The following CASK variants were observed in gnomAD, a reference collection of about 807,000 sequenced individuals.
The protein encoded by CASK is peripheral plasma membrane protein CASK.
In CASK, 4 loss-of-function variants were observed where a neutral mutation model predicts 82.9. The observed-to-expected ratio is 0.05, with a 90% CI of 0.02 to 0.11. CASK has a LOEUF of 0.11. CASK is among the 10% of genes least tolerant of loss of function. The pLI, the probability that CASK is intolerant of heterozygous loss-of-function variation, is 1.00. For missense variants in CASK, 358 were observed against 720.9 expected (o/e 0.50, Z 5.76); for synonymous variants, 259 against 253.5 (o/e 1.02, Z -0.20).
intron 5 of CASK, among the ~76,000 whole-genome samples, chrX:41,734,757 T>C (rs2068469970): frequency 9.0e-6 from 1 of 111,138 alleles, no homozygotes; most frequent in South Asian, 3.8e-4. Flanking sequence ...TGAAGGATGC[T>C]TAGCAGCATC....
At chrX:41,760,962 G>C (rs1298857441) in intron 3 of CASK, among the ~76,000 whole-genome samples, 1 of 111,250 alleles carries the variant, frequency 9.0e-6, no homozygotes, top group Non-Finnish European at 1.9e-5. Flanking sequence ...CATAACCATT[G>C]CATCAGTTTG....
chrX:41,530,755 G>C (rs2064790304), intron 25 of CASK, among the ~76,000 whole-genome samples: 1 of 112,321 alleles, frequency 8.9e-6, no homozygotes, highest in Non-Finnish European at 1.9e-5. Flanking sequence ...ACCTTACTGA[G>C]CTTCTGCATA....
chrX:41,671,994 C>T (rs1436077768), intron 5 of CASK, among the ~76,000 whole-genome samples: 1 of 111,676 alleles, frequency 9.0e-6, no homozygotes, highest in East Asian at 2.8e-4. Context: ...TTTCTTTCTC[C>T]ACCCTGCCCA....
At chrX:41,774,935 G>A (rs1319814145) in intron 3 of CASK, among the ~76,000 whole-genome samples, 2 of 111,754 alleles carry the variant, frequency 1.8e-5, no homozygotes, top group East Asian at 5.6e-4. Flanking sequence ...AAAAACCCTA[G>A]AAGAAAACCT....
At chrX:41,848,102 C>T (rs2071194068) in intron 2 of CASK, among the ~76,000 whole-genome samples, 1 of 112,234 alleles carries the variant, frequency 8.9e-6, no homozygotes, top group African/African-American at 3.2e-5. Context: ...TTTTGTTTGC[C>T]CAGCTGTTAT....
Position 41,604,006 on chromosome X carries a change from C to T in CASK, c.1155+5898G>A, listed in dbSNP as rs1014584782. 5.4e-5 allele frequency among the ~76,000 whole-genome samples: 6 copies of T among 110,512 alleles called. No individual in the cohort carries two copies. In the South Asian group the frequency reaches 1.6e-3, roughly 29 times the overall value. On this transcript the variant is annotated intron_variant, in intron 12 of 26. Transcript: ENST00000378163. The stretch of plus-strand genomic sequence containing the variant: ...TTCAGTCCATCAAAAACTCACCCAC[C>T]CACTGACCTTCCAATGTATCACATA...
chrX:41,794,402 C>G (rs1454981427), intron 2 of CASK, among the ~76,000 whole-genome samples: 2 of 111,771 alleles, frequency 1.8e-5, no homozygotes, highest in African/African-American at 6.5e-5. Context: ...TTGTATATGA[C>G]AAAAATAGAA....
Position 41,529,221 on chromosome X carries a change from C to T in CASK, c.2520+1786G>A, listed in dbSNP as rs773686168. ...AGGGGAGCAGAGGAGAGTGCCCAGC[C>T]GGGGTGAGGAGGTGCTTTGGGGCCA... On this transcript the variant is annotated intron_variant, in intron 25 of 26. Coordinates refer to ENST00000378163, the MANE Select transcript of CASK (RefSeq NM_001367721.1). Among the ~76,000 whole-genome samples, 316 of 111,449 alleles carry T rather than the reference C, an allele frequency of 2.8e-3. 1 individual carries two copies. Among genetic ancestry groups the T allele is most frequent in the African/African-American group, 9.8e-3 (300 of 30,636 alleles).
chrX:41,882,202 A>G (rs965797622), intron 1 of CASK, among the ~76,000 whole-genome samples: 1 of 111,706 alleles, frequency 9.0e-6, no homozygotes, highest in Non-Finnish European at 1.9e-5. Context: ...AGGATATGAA[A>G]ATATTTAAAA....
At chrX:41,846,866 C>T (rs1421438569) in intron 2 of CASK, among the ~76,000 whole-genome samples, 1 of 112,136 alleles carries the variant, frequency 8.9e-6, no homozygotes, top group Non-Finnish European at 1.9e-5. Context: ...ATTTATCCTA[C>T]ATGTTTGAAG....
At chrX:41,840,535 T>C (rs1179623820) in intron 2 of CASK, among the ~76,000 whole-genome samples, 2 of 112,024 alleles carry the variant, frequency 1.8e-5, no homozygotes, top group Non-Finnish European at 3.8e-5. Context: ...CAAAGACAGG[T>C]TTACTTCTTT....
chrX:41,747,901 T>C, intron 3 of CASK, among the ~76,000 whole-genome samples: 1 of 112,628 alleles, frequency 8.9e-6, no homozygotes, highest in Non-Finnish European at 1.9e-5. Flanking sequence ...CATGATTGCT[T>C]TAATTTGCAT....
At chrX:41,726,823 G>C in intron 5 of CASK, 2 of 289,965 alleles carry the variant, frequency 6.9e-6, no homozygotes, top group African/African-American at 2.7e-5. Flanking sequence ...TATTTCAACC[G>C]GACAATCGTG....
At chrX:41,687,205 TA>T (rs1392417375) in intron 5 of CASK, among the ~76,000 whole-genome samples, 2 of 112,519 alleles carry the variant, frequency 1.8e-5, no homozygotes, top group Admixed American at 1.9e-4. Context: ...AATGCCTATT[TA>T]GTCATTAAAA....
chrX:41,846,415 C>T (rs1569467123), intron 2 of CASK, among the ~76,000 whole-genome samples: 1 of 95,320 alleles, frequency 1.0e-5, no homozygotes, highest in Non-Finnish European at 2.1e-5. Flanking sequence ...AGAGTGGTTA[C>T]CAGAGGCTGG....
chrX:41,733,185 A>T (rs999454734), intron 5 of CASK, among the ~76,000 whole-genome samples: 1 of 107,672 alleles, frequency 9.3e-6, no homozygotes, highest in Non-Finnish European at 1.9e-5. Context: ...CAAAAAAAAA[A>T]AAAAAAAAGG....
intron 1 of CASK, among the ~76,000 whole-genome samples, chrX:41,878,736 T>C (rs2071882752): frequency 9.1e-6 from 1 of 110,457 alleles, no homozygotes; most frequent in Non-Finnish European, 1.9e-5. Flanking sequence ...ACAATGGACT[T>C]TGGGGACTGG....
At chrX:41,782,604 T>C (rs747335843) in intron 3 of CASK, among the ~76,000 whole-genome samples, 13 of 112,021 alleles carry the variant, frequency 1.2e-4, no homozygotes, top group African/African-American at 3.9e-4. Context: ...GTTCTCATAA[T>C]CTTAGGAAGA....
At chrX:41,687,512 G>A (rs2067463607) in intron 5 of CASK, among the ~76,000 whole-genome samples, 1 of 112,008 alleles carries the variant, frequency 8.9e-6, no homozygotes. Flanking sequence ...CCAAATCAAT[G>A]AAACATAAAG....
Sources: allele counts gnomAD v4.1 joint callset (sites outside exome capture counted in the v4.1 genomes callset), GRCh38; gene constraint gnomAD v4.1.1; transcripts MANE v1.5; gene names NCBI Gene and HGNC (gene_info 2026-07-23, HGNC 2026-07-21).